The following RIMS1 variants were observed in gnomAD, a reference collection of about 807,000 sequenced individuals.
The protein encoded by RIMS1 is regulating synaptic membrane exocytosis 1.
In RIMS1, 83 loss-of-function variants were observed where a neutral mutation model predicts 214.1. The observed-to-expected ratio is 0.39, with a 90% CI of 0.32 to 0.47. The LOEUF (loss-of-function observed/expected upper bound fraction) is 0.47. Ranked by LOEUF, RIMS1 falls within the 20% of genes least tolerant of loss-of-function variation. The pLI is 0.99. For synonymous variants in RIMS1, 793 were observed against 786.8 expected, an observed-to-expected ratio of 1.01 and a Z score of -0.13; for missense variants, 2,050 against 2,161.8, an observed-to-expected ratio of 0.95 and a Z score of 1.03.
intron 23 of RIMS1, among the ~76,000 whole-genome samples, chr6:72,275,542 T>G (rs1194680132): frequency 6.6e-6 from 1 of 152,084 alleles, no homozygotes; most frequent in Non-Finnish European, 1.5e-5. Flanking sequence ...AAACTGATAT[T>G]TTATGAAGGT....
At chr6:72,060,984 GAGATGC>G (rs1448351225) in intron 2 of RIMS1, among the ~76,000 whole-genome samples, 1 of 152,068 alleles carries the variant, frequency 6.6e-6, no homozygotes, top group East Asian at 1.9e-4. Context: ...AACATCTTCT[GAGATGC>G]AGATATTGAT....
At chr6:72,067,392 TC>T (rs1829583368) in intron 2 of RIMS1, among the ~76,000 whole-genome samples, 1 of 152,174 alleles carries the variant, frequency 6.6e-6, no homozygotes, top group South Asian at 2.1e-4. Flanking sequence ...TACTTGCTAT[TC>T]CCTCTACCTA....
At chr6:71,960,530 T>C (rs114517382) in intron 1 of RIMS1, among the ~76,000 whole-genome samples, 1 of 152,102 alleles carries the variant, frequency 6.6e-6, no homozygotes, top group Admixed American at 6.6e-5. Flanking sequence ...CATGATGATG[T>C]TTCACACAGA....
chr6:72,181,695 A>G (rs2496508), intron 5 of RIMS1, among the ~76,000 whole-genome samples: 105,450 of 152,118 alleles, frequency 0.69, 37,028 homozygotes, highest in East Asian at 0.84. Context: ...AGAGGTGGCC[A>G]GTGTAAAGAG....
chr6:72,085,440 G>A (rs1022880262), intron 2 of RIMS1, among the ~76,000 whole-genome samples: 1 of 152,064 alleles, frequency 6.6e-6, no homozygotes, highest in Non-Finnish European at 1.5e-5. Context: ...AAACAGTGAT[G>A]GATATCAGGT....
intron 29 of RIMS1, among the ~76,000 whole-genome samples, chr6:72,374,803 A>G (rs938572176): frequency 2.0e-5 from 3 of 152,174 alleles, no homozygotes; most frequent in African/African-American, 7.2e-5. Context: ...ATAATGAAAT[A>G]ATTATACAAC....
intron 28 of RIMS1, among the ~76,000 whole-genome samples, chr6:72,329,998 G>C (rs2096605995): frequency 6.6e-6 from 1 of 151,794 alleles, no homozygotes; most frequent in Non-Finnish European, 1.5e-5. Context: ...ATAATGCTTG[G>C]AACCAGGTGA....
At chr6:72,243,053 G>A (rs1373886061) in intron 10 of RIMS1, among the ~76,000 whole-genome samples, 6 of 151,550 alleles carry the variant, frequency 4.0e-5, no homozygotes, top group East Asian at 3.8e-4. Context: ...TCCCCATATC[G>A]TTGCCTTTTT....
intron 29 of RIMS1, among the ~76,000 whole-genome samples, chr6:72,363,910 T>G (rs1595318134): frequency 6.6e-6 from 1 of 152,190 alleles, no homozygotes; most frequent in East Asian, 1.9e-4. Flanking sequence ...GGTGGTAGTG[T>G]GGGGGAGGAA....
intron 2 of RIMS1, among the ~76,000 whole-genome samples, chr6:71,989,211 T>C (rs1800871803): frequency 6.6e-6 from 1 of 152,252 alleles, no homozygotes; most frequent in Non-Finnish European, 1.5e-5. Context: ...TATTACTTTC[T>C]AATTAAACTG....
chr6:72,100,225 TA>T (rs2033201564), intron 4 of RIMS1, among the ~76,000 whole-genome samples: 1 of 152,070 alleles, frequency 6.6e-6, no homozygotes, highest in Non-Finnish European at 1.5e-5. Context: ...TAATATAATT[TA>T]TATCATTGCA....
rs565898237 is a variant in RIMS1, at chr6:72,049,267, T to C, written c.246-47682T>C. ...TGTTGTGGGGAAACAAGTTTTTTTT[T>C]TTCCTTATGTGTTCACTGACTGGGT... On this transcript the variant is annotated intron_variant, in intron 2 of 33. Coordinates refer to ENST00000521978, the MANE Select transcript of RIMS1 (RefSeq NM_014989.7). 1.9e-3 allele frequency among the ~76,000 whole-genome samples: 293 copies of C among 152,250 alleles called. 1 individual carries two copies. Among genetic ancestry groups the C allele is most frequent in the African/African-American group, 6.7e-3 (277 of 41,548 alleles).
intron 2 of RIMS1, among the ~76,000 whole-genome samples, chr6:72,025,110 G>T (rs1038687579): frequency 3.8e-4 from 58 of 151,918 alleles, no homozygotes; most frequent in African/African-American, 1.4e-3. Context: ...CACCATGTTG[G>T]CCAGGCTGGT....
At chr6:71,913,269 A>C (rs1286717156) in intron 1 of RIMS1, among the ~76,000 whole-genome samples, 1 of 152,178 alleles carries the variant, frequency 6.6e-6, no homozygotes, top group Non-Finnish European at 1.5e-5. Context: ...CAGGGAGATA[A>C]TTAGGCTTGG....
intron 6 of RIMS1, among the ~76,000 whole-genome samples, chr6:72,186,981 A>C (rs2049211789): frequency 6.6e-6 from 1 of 152,146 alleles, no homozygotes; most frequent in South Asian, 2.1e-4. Context: ...AATACAAAAA[A>C]TTAGCCAGGT....
intron 2 of RIMS1, among the ~76,000 whole-genome samples, chr6:72,010,460 A>G (rs370217977): frequency 1.3e-5 from 2 of 152,128 alleles, no homozygotes; most frequent in African/African-American, 4.8e-5. Flanking sequence ...ATTCAACATA[A>G]TGTTGGAAGT....
intron 26 of RIMS1, among the ~76,000 whole-genome samples, chr6:72,306,504 A>T (rs573310251): frequency 3.0e-4 from 45 of 152,310 alleles, no homozygotes; most frequent in Non-Finnish European, 3.8e-4. Flanking sequence ...CTAACTTAGA[A>T]CAATTCATAC....
intron 2 of RIMS1, among the ~76,000 whole-genome samples, chr6:71,976,740 C>T (rs1418971306): frequency 6.6e-6 from 1 of 151,878 alleles, no homozygotes; most frequent in Non-Finnish European, 1.5e-5. Context: ...ACATTTAGGT[C>T]TTTGATTCAT....
At chr6:72,348,245 T>C (rs2097332231) in intron 29 of RIMS1, among the ~76,000 whole-genome samples, 1 of 151,922 alleles carries the variant, frequency 6.6e-6, no homozygotes. Flanking sequence ...GGCCCGCTTA[T>C]ACACAAATTT....
Sources: allele counts gnomAD v4.1 joint callset (sites outside exome capture counted in the v4.1 genomes callset), GRCh38; gene constraint gnomAD v4.1.1; transcripts MANE v1.5; gene names NCBI Gene and HGNC (gene_info 2026-07-23, HGNC 2026-07-21).